Variants in EXD2 observed in about 807,000 individuals in gnomAD.
The protein encoded by EXD2 is exonuclease 3'-5' domain containing 2.
In EXD2, 40 loss-of-function variants were observed where a neutral mutation model predicts 62.5. The ratio of observed to expected loss-of-function variants is 0.64; its 90% CI spans 0.50 to 0.83. EXD2 has a LOEUF of 0.83. Ranked by LOEUF, EXD2 falls within the 40% of genes least tolerant of loss-of-function variation. The probability of loss-of-function intolerance (pLI) is 0.00; values close to 1 mark genes in which losing one functional copy is unlikely to be tolerated. For synonymous variants in EXD2, 239 were observed against 291.9 expected (o/e 0.82, Z 1.85); for missense variants, 671 against 761.8 (o/e 0.88, Z 1.40).
Position 69,242,270 on chromosome 14 carries a change from C to T in EXD2, c.*1170C>T, listed in dbSNP as rs1052105087. The T allele has an allele frequency of 8.1e-6, 3 of 371,362 alleles. No individual in the cohort carries two copies. Among genetic ancestry groups the T allele is most frequent in the Non-Finnish European group, 9.5e-6 (2 of 210,262 alleles). The allele number at this position is 371,362 out of a possible 1,614,324, so 23.0% of individuals were successfully genotyped here. On this transcript the variant is annotated 3_prime_UTR_variant, in exon 10 of 10. Transcript: ENST00000685843. ...CAAGCTTAAAAAAGAATTTTATGACCAGAATCCAACAAGAGCTCTATTTTG... is the reference window on the plus strand; with the variant it reads ...CAAGCTTAAAAAAGAATTTTATGACTAGAATCCAACAAGAGCTCTATTTTG...
rs1328017178 is a variant in EXD2, at chr14:69,243,697, A to G, written c.*2597A>G. 1.3e-5 allele frequency: 2 copies of G among 152,076 alleles called. No individual in the cohort carries two copies. Among genetic ancestry groups the G allele is most frequent in the Non-Finnish European group, 2.9e-5 (2 of 68,016 alleles). 9.4% of individuals were successfully genotyped at this position (152,076 alleles called of 1,614,324 possible). The stretch of plus-strand genomic sequence containing the variant: ...TTAGAATTGGACTGTGAAGAGGGGG[A>G]TTCACATTGCTGGGGCTAAGTACAA... On this transcript the variant is annotated 3_prime_UTR_variant, in exon 10 of 10. Transcript: ENST00000685843.
chr14:69,210,877 T>A (rs902452971), intron 3 of EXD2, among the ~76,000 whole-genome samples: 2 of 152,206 alleles, frequency 1.3e-5, no homozygotes, highest in Non-Finnish European at 2.9e-5. Flanking sequence ...ATTATATCTT[T>A]AAAAAGTACA....
At chr14:69,237,492 G>T in intron 8 of EXD2, 83 bp from the exon 9 acceptor site, 2 of 1,313,266 alleles carry the variant, frequency 1.5e-6, no homozygotes, top group African/African-American at 2.9e-5. Flanking sequence ...GCCCCAGTTA[G>T]AACCCCAGTA....
chr14:69,206,125 T>G (rs1475089986), intron 2 of EXD2, among the ~76,000 whole-genome samples: 3 of 151,998 alleles, frequency 2.0e-5, no homozygotes, highest in Non-Finnish European at 4.4e-5. Context: ...TTCACTAAGT[T>G]GGCCAGGCTG....
rs71102635 is a variant in EXD2, at chr14:69,212,699, ATTTTTTTT to A, written c.333+2915_333+2922del. Among the ~76,000 whole-genome samples, 4 of 57,322 alleles carry A rather than the reference ATTTTTTTT, an allele frequency of 7.0e-5. No homozygotes were observed. In the South Asian group the frequency reaches 2.6e-3, roughly 38 times the overall value. The allele number at this position is 57,322 out of a possible 152,430, so 37.6% of individuals were successfully genotyped here. On this transcript the variant is annotated intron_variant, in intron 3 of 9. Coordinates refer to ENST00000685843, the MANE Select transcript of EXD2 (RefSeq NM_001193360.2). ...TGTCACTTGGTTCCAATGGTTCTTG[ATTTTTTTT>A]TTTTTTTTTTTTTTTTTTGAGACAA...
chr14:69,228,734 T>G (rs1374212256), intron 3 of EXD2, 82 bp from the exon 4 acceptor site: 9 of 1,518,430 alleles, frequency 5.9e-6, no homozygotes, highest in African/African-American at 1.4e-5. Flanking sequence ...GATGTACCTC[T>G]TAGACTTTTT....
At chr14:69,200,108 T>A (rs1044282754) in intron 1 of EXD2, among the ~76,000 whole-genome samples, 1 of 152,204 alleles carries the variant, frequency 6.6e-6, no homozygotes, top group Non-Finnish European at 1.5e-5. Flanking sequence ...TGTAATCTTA[T>A]AATTTTGTAG....
At chr14:69,227,425 TG>T (rs2043400171) in intron 3 of EXD2, among the ~76,000 whole-genome samples, 1 of 152,256 alleles carries the variant, frequency 6.6e-6, no homozygotes, top group South Asian at 2.1e-4. Flanking sequence ...GTGTTTAATC[TG>T]GGTTCTATGG....
chr14:69,225,447 G>A (rs1245730198), intron 3 of EXD2, among the ~76,000 whole-genome samples: 1 of 152,160 alleles, frequency 6.6e-6, no homozygotes. Flanking sequence ...ACAGCAGAGT[G>A]TTAGAAATTG....
At chr14:69,230,168 G>C (rs1313577343) in intron 4 of EXD2, among the ~76,000 whole-genome samples, 1 of 152,132 alleles carries the variant, frequency 6.6e-6, no homozygotes, top group East Asian at 1.9e-4. Context: ...TCTCAGTGCT[G>C]CCACTTGCCA....
chr14:69,192,865 A>C (rs1437473714), intron 1 of EXD2, among the ~76,000 whole-genome samples: 1 of 152,060 alleles, frequency 6.6e-6, no homozygotes, highest in Non-Finnish European at 1.5e-5. Flanking sequence ...GATTCCATAG[A>C]TTGTTTCCAG....
At chr14:69,214,481 C>T (rs2042926988) in intron 3 of EXD2, among the ~76,000 whole-genome samples, 1 of 152,112 alleles carries the variant, frequency 6.6e-6, no homozygotes, top group Non-Finnish European at 1.5e-5. Flanking sequence ...ATCTGTTTAA[C>T]CTGCCCCTGA....
In EXD2 at chr14:69,198,839, C is replaced by T. The variant is rs560419310; in HGVS notation, c.-131-5078C>T. 2.0e-4 allele frequency among the ~76,000 whole-genome samples: 31 copies of T among 152,308 alleles called. 1 individual carries two copies. The South Asian group carries it at 6.4e-3, about 32-fold the overall frequency. On this transcript the variant is annotated intron_variant, in intron 1 of 9. Transcript: ENST00000685843. ...AGCTTATTACTCCTAGGCTATAGAC[C>T]TATATGGCATGTTATTGTACTGAGT...
chr14:69,225,343 T>C (rs1464119028), intron 3 of EXD2, among the ~76,000 whole-genome samples: 1 of 152,186 alleles, frequency 6.6e-6, no homozygotes, highest in South Asian at 2.1e-4. Context: ...TTTTGTTGGT[T>C]TTTTTCTTTT....
chr14:69,240,923 G>C lies in EXD2; in HGVS notation c.1689G>C (p.Val563=), dbSNP rs1482049629. The C allele has an allele frequency of 1.2e-6, 2 of 1,613,750 alleles. No homozygotes were observed. Among genetic ancestry groups the C allele is most frequent in the South Asian group, 2.2e-5 (2 of 91,058 alleles). ...ACTATGTTCCTCACGGGCTGAAGGT[G>C]GTGCAGTGTCACAGCCAGGGTGGCC... The part of the protein sequence containing the change: ...NENYVPHGLK[V]VQCHSQGGLR... The change falls in exon 10 of 10, where the codon GTG becomes GTC. Residue 563 remains valine (V), a synonymous_variant. Coordinates refer to ENST00000685843, the MANE Select transcript of EXD2 (RefSeq NM_001193360.2).
At chr14:69,203,650 C>G (rs1008864692) in intron 1 of EXD2, among the ~76,000 whole-genome samples, 1 of 152,144 alleles carries the variant, frequency 6.6e-6, no homozygotes, top group African/African-American at 2.4e-5. Flanking sequence ...GTGATGAACT[C>G]GGTTACTGGA....
chr14:69,209,899 G>A lies in EXD2; in HGVS notation c.333+96G>A, dbSNP rs1355069838. Reference sequence around the variant, plus strand: ...CAGTCAAGTAGAAAATAAGGTTAAAGGAGAATGAATTAGCTTGTTCTCAAC... The same window carrying A: ...CAGTCAAGTAGAAAATAAGGTTAAAAGAGAATGAATTAGCTTGTTCTCAAC... On this transcript the variant is annotated intron_variant, in intron 3 of 9. Coordinates refer to ENST00000685843, the MANE Select transcript of EXD2 (RefSeq NM_001193360.2). The A allele has an allele frequency of 4.7e-6, 5 of 1,055,370 alleles. No homozygotes were observed. The Admixed American group carries it at 1.3e-4, about 28-fold the overall frequency. The allele number at this position is 1,055,370 out of a possible 1,614,324, so 65.4% of individuals were successfully genotyped here. A position where few individuals can be genotyped will look rare whatever the true frequency, so the allele number is the denominator to read the frequency against.
chr14:69,217,808 C>T (rs1218800621), intron 3 of EXD2, among the ~76,000 whole-genome samples: 1 of 151,968 alleles, frequency 6.6e-6, no homozygotes, highest in South Asian at 2.1e-4. Flanking sequence ...TTTGTCCTTG[C>T]GATAGTTTGC....
chr14:69,207,967 C>T (rs1486221581), intron 2 of EXD2, among the ~76,000 whole-genome samples: 2 of 150,638 alleles, frequency 1.3e-5, no homozygotes, highest in Admixed American at 6.7e-5. Flanking sequence ...GGCTCAGTTT[C>T]GGCTGACTGA....
Sources: gnomAD v4.1 joint callset for allele counts (sites outside exome capture counted in the v4.1 genomes callset) on GRCh38, gnomAD v4.1.1 for gene constraint, MANE v1.5 for transcripts, NCBI Gene and HGNC (gene_info 2026-07-23, HGNC 2026-07-21) for gene names.